The following CHD3 variants were observed in gnomAD, a reference collection of about 807,000 sequenced individuals.
The protein encoded by CHD3 is chromodomain helicase DNA binding protein 3, also known as ATP-dependent chromatin remodeler CHD3.
A neutral mutation model predicts 248.9 loss-of-function variants in CHD3; 52 were observed. That is an observed-to-expected ratio of 0.21 (90% CI 0.17 to 0.26). The LOEUF is 0.26. CHD3 is among the 10% of genes least tolerant of loss of function. The pLI is 1.00. For synonymous variants in CHD3, 985 were observed against 985.2 expected (o/e 1.00, Z 0.00); for missense variants, 1,482 against 2,605.8 (o/e 0.57, Z 9.39).
At position 7,906,513 on chromosome 17, in the gene CHD3, G is replaced by A; in HGVS notation, c.4359-40G>A. The A allele has an allele frequency of 6.2e-7, 1 of 1,611,020 alleles. No homozygotes were observed. The highest frequency in any genetic ancestry group is 8.5e-7 in the Non-Finnish European group (1 of 1,178,746). On this transcript the variant is annotated intron_variant, in intron 28 of 39. Transcript: ENST00000330494. The surrounding 1 kb of genome is among the most constrained non-coding windows in gnomAD (Gnocchi z 5.0). ...TCCCTCACTGCCCTATACCCCTTCT[G>A]TGGCTCCCCTAACCCTCCTCCCACT... is the stretch of plus-strand genomic sequence containing the variant.
chr17:7,898,503 A>G lies in CHD3; in HGVS notation c.2059A>G (p.Ile687Val), dbSNP rs1412548344. ...GACCCACTCTTTTTCCAGAGAACTAATTATGGGGGAAGACCCTGCCCAGCC... is the reference window on the plus strand; with the variant it reads ...GACCCACTCTTTTTCCAGAGAACTAGTTATGGGGGAAGACCCTGCCCAGCC... ...KQSYWRHREL[I>V]MGEDPAQPRK... The change falls in exon 13 of 40, where the codon ATT becomes GTT. Residue 687 changes from isoleucine (I) to valine (V), a missense_variant. Physicochemically the swap from Ile to Val is conservative, Grantham distance 29. Around this residue, in one of 20 missense-constraint regions of CHD3, gnomAD observed 127 missense variants for 188.3 expected, o/e 0.67. Coordinates refer to ENST00000330494, the MANE Select transcript of CHD3 (RefSeq NM_001005273.3). 6.2e-7 allele frequency: 1 copy of G among 1,613,612 alleles called. No individual in the cohort carries two copies. The highest frequency in any genetic ancestry group is 8.5e-7 in the Non-Finnish European group (1 of 1,179,646).
chr17:7,908,101 C>G lies in CHD3; in HGVS notation c.5152+82C>G. The G allele has an allele frequency of 6.8e-7, 1 of 1,470,042 alleles. No homozygotes were observed. Among genetic ancestry groups the G allele is most frequent in the Non-Finnish European group, 9.2e-7 (1 of 1,089,908 alleles). The allele number at this position is 1,470,042 out of a possible 1,614,324, so 91.1% of individuals were successfully genotyped here. A position where few individuals can be genotyped will look rare whatever the true frequency, so the allele number is the denominator to read the frequency against. ...GGTTTCTCGTTTTGCCTGAGGCTTC[C>G]TGCTACCTTTAATTCCAAGTAACTT... On this transcript the variant is annotated intron_variant, in intron 34 of 39. Transcript: ENST00000330494. The surrounding 1 kb of genome is among the most constrained non-coding windows in gnomAD (Gnocchi z 5.8).
chr17:7,885,231 T>C, upstream of CHD3: 1 of 742,234 alleles, frequency 1.3e-6, no homozygotes, highest in Non-Finnish European at 1.6e-6. Context: ...CCCGCGGCGG[T>C]CCGGGAGGTC....
At position 7,910,120 on chromosome 17, in the gene CHD3, C is replaced by G; in HGVS notation, c.5591-308C>G. On this transcript the variant is annotated intron_variant, in intron 37 of 39. Transcript: ENST00000330494. The surrounding 1 kb of genome is among the most constrained non-coding windows in gnomAD (Gnocchi z 4.7). ...TTCTGACAACTCCCCGCCCCCATGT[C>G]TTCCAATGTCCCCCCATCTTCCTTT... The G allele has an allele frequency of 3.0e-6, 1 of 335,456 alleles. No individual in the cohort carries two copies. The highest frequency in any genetic ancestry group is 5.6e-6 in the Non-Finnish European group (1 of 177,598). 20.8% of individuals were successfully genotyped at this position (335,456 alleles called of 1,614,324 possible).
rs970700304 is a variant in CHD3, at chr17:7,897,646, C to T, written c.1920-325C>T. Among the ~76,000 whole-genome samples the T allele has an allele frequency of 1.3e-4, 20 of 152,266 alleles. No individual in the cohort carries two copies. The highest frequency in any genetic ancestry group is 4.8e-4 in the African/African-American group (20 of 41,554). Reference sequence around the variant, plus strand: ...TTCATAGTACTTATTACTGCCTAAACTTAATGGTATGTATTTAGTTATTTC... The same window carrying T: ...TTCATAGTACTTATTACTGCCTAAATTTAATGGTATGTATTTAGTTATTTC... On this transcript the variant is annotated intron_variant, in intron 11 of 39. Transcript: ENST00000330494. The surrounding 1 kb of genome is among the most constrained non-coding windows in gnomAD (Gnocchi z 4.8).
chr17:7,884,910 A>AGGT, upstream of CHD3: 2 of 1,289,326 alleles, frequency 1.6e-6, no homozygotes, highest in Non-Finnish European at 1.0e-6. Context: ...GAGGAGGAGG[A>AGGT]GGTGGAGGCG....
At position 7,905,207 on chromosome 17, in the gene CHD3, T is replaced by G; in HGVS notation, c.4138+42T>G. On this transcript the variant is annotated intron_variant, in intron 26 of 39. Transcript: ENST00000330494. The surrounding 1 kb of genome is among the most constrained non-coding windows in gnomAD (Gnocchi z 5.8). Reference sequence around the variant, plus strand: ...TGACTCTACCTCACCTCTTCCCGTTTTATTTTCCAGTTTGCTTTAAGCCCA... The same window carrying G: ...TGACTCTACCTCACCTCTTCCCGTTGTATTTTCCAGTTTGCTTTAAGCCCA... The G allele has an allele frequency of 6.3e-7, 1 of 1,588,584 alleles. No homozygotes were observed. The highest frequency in any genetic ancestry group is 8.6e-7 in the Non-Finnish European group (1 of 1,156,706).
chr17:7,906,626 G>A lies in CHD3; in HGVS notation c.4432G>A (p.Val1478Ile), dbSNP rs1179323033. The change falls in exon 29 of 40, where the codon GTC (valine) becomes ATC (isoleucine). Residue 1478 changes from valine (V) to isoleucine (I), a missense_variant. Around this residue, in one of 20 missense-constraint regions of CHD3, gnomAD observed 156 missense variants for 420.3 expected, o/e 0.37. Transcript: ENST00000330494. The surrounding 1 kb of genome is among the most constrained non-coding windows in gnomAD (Gnocchi z 5.0). ...CGGCTCTGAAACCTTTGCCGATGGG[G>A]TCCCTCGGGAGGGACTGAGTCGCCA... ...ADGSETFADGVPREGLSRQQV... is the reference protein window; with the variant it reads ...ADGSETFADGIPREGLSRQQV... 1 of 1,613,810 alleles carries A rather than the reference G, an allele frequency of 6.2e-7. No individual in the cohort carries two copies.
rs1405430127 is a variant in CHD3 at position 7,889,398 on chromosome 17, G to C, written c.101-266G>C. 6.6e-6 allele frequency among the ~76,000 whole-genome samples: 1 copy of C among 152,232 alleles called. No homozygotes were observed. Among genetic ancestry groups the C allele is most frequent in the Non-Finnish European group, 1.5e-5 (1 of 68,026 alleles). Reference sequence around the variant, plus strand: ...TGCCACAGTCAGAGCCCATGGCCTGGAGCCTGGTCTCTTGTTAGTAGGAGG... The same window carrying C: ...TGCCACAGTCAGAGCCCATGGCCTGCAGCCTGGTCTCTTGTTAGTAGGAGG... On this transcript the variant is annotated intron_variant, in intron 1 of 39. Coordinates refer to ENST00000330494, the MANE Select transcript of CHD3 (RefSeq NM_001005273.3). This position sits in a 1 kb window ranked among gnomAD's most constrained non-coding sequence, Gnocchi z 4.5.
Position 7,907,286 on chromosome 17 carries a change from G to C in CHD3, c.4788+39G>C. 1.9e-6 allele frequency: 3 copies of C among 1,613,928 alleles called. No individual in the cohort carries two copies. Among genetic ancestry groups the C allele is most frequent in the Non-Finnish European group, 2.5e-6 (3 of 1,179,868 alleles). ...TGGATTCCCCTGTGGAGCGGGAGGG[G>C]AGGGGGCTTGGAGGCCAGGTACCTG... On this transcript the variant is annotated intron_variant, in intron 31 of 39. Transcript: ENST00000330494. The surrounding 1 kb of genome is among the most constrained non-coding windows in gnomAD (Gnocchi z 4.3).
intron 4 of CHD3, 148 bp from the exon 5 acceptor site, chr17:7,893,138 A>AC (rs1328402286): frequency 1.6e-6 from 2 of 1,228,584 alleles, no homozygotes. Context: ...CTTTTTATTT[A>AC]TTTTTTTAAA....
chr17:7,902,509 G>C, intron 20 of CHD3, 101 bp from the exon 21 acceptor site: 1 of 693,300 alleles, frequency 1.4e-6, no homozygotes, highest in South Asian at 1.9e-5. Context: ...CAGGGGTTCA[G>C]GTGTAAAGAT....
chr17:7,905,778 G>A lies in CHD3; in HGVS notation c.4224+72G>A. 1 of 1,613,440 alleles carries A rather than the reference G, an allele frequency of 6.2e-7. No individual in the cohort carries two copies. The highest frequency in any genetic ancestry group is 1.3e-5 in the African/African-American group (1 of 74,998). ...GGCAGGAGGTTGGAAGTTGGTGCCTGGATCACTGAAGGTAGAAAGGACAAG... is the reference window on the plus strand; with the variant it reads ...GGCAGGAGGTTGGAAGTTGGTGCCTAGATCACTGAAGGTAGAAAGGACAAG... On this transcript the variant is annotated intron_variant, in intron 27 of 39. Coordinates refer to ENST00000330494, the MANE Select transcript of CHD3 (RefSeq NM_001005273.3). This position sits in a 1 kb window ranked among gnomAD's most constrained non-coding sequence, Gnocchi z 5.8.
In CHD3 at chr17:7,892,435, T is replaced by C. The variant is rs374162321; in HGVS notation, c.510-851T>C. On this transcript the variant is annotated intron_variant, in intron 4 of 39. Coordinates refer to ENST00000330494, the MANE Select transcript of CHD3 (RefSeq NM_001005273.3). ...AGTAGTATACAAAAGTAAAGCATTT[T>C]TGTTGATTTTATTTTAACCTTTTAT... Among the ~76,000 whole-genome samples, 7 of 152,342 alleles carry C rather than the reference T, an allele frequency of 4.6e-5. No individual in the cohort carries two copies. In the South Asian group the frequency reaches 1.4e-3, roughly 32 times the overall value.
chr17:7,893,922 A>C lies in CHD3; in HGVS notation c.911A>C (p.Lys304Thr). ...CTAGGGCTTCTGGGTGGCAAGAGGA[A>C]GAAAGGAGGCTCGGTGAGTGACCCG... ...IKLGLLGGKR[K>T]KGGSYVFQSD... Residue 304 changes from lysine to threonine, a missense_variant, in exon 6 of 40, where the codon AAG becomes ACG. Lys to Thr is a moderately conservative substitution (Grantham distance 78, BLOSUM62 -1). Coordinates refer to ENST00000330494, the MANE Select transcript of CHD3 (RefSeq NM_001005273.3). The C allele has an allele frequency of 6.5e-7, 1 of 1,549,586 alleles. No individual in the cohort carries two copies. The highest frequency in any genetic ancestry group is 8.7e-7 in the Non-Finnish European group (1 of 1,143,628).
Position 7,900,214 on chromosome 17 carries a change from G to T in CHD3, c.2683-76G>T. On this transcript the variant is annotated intron_variant, in intron 16 of 39. Transcript: ENST00000330494. The surrounding 1 kb of genome is among the most constrained non-coding windows in gnomAD (Gnocchi z 6.5). ...TGAGTGAAATGGGAGCTGGGGCAGG[G>T]AAAGGCTGATGCTGTGGGTCGGTCA... 1 of 1,596,080 alleles carries T rather than the reference G, an allele frequency of 6.3e-7. No homozygotes were observed. The highest frequency in any genetic ancestry group is 8.6e-7 in the Non-Finnish European group (1 of 1,168,558).
In CHD3 at chr17:7,903,773, G is replaced by A; in HGVS notation, c.3728-52G>A. 6.3e-7 allele frequency: 1 copy of A among 1,591,540 alleles called. No individual in the cohort carries two copies. On this transcript the variant is annotated intron_variant, in intron 23 of 39. Transcript: ENST00000330494. This position sits in a 1 kb window ranked among gnomAD's most constrained non-coding sequence, Gnocchi z 6.8. The stretch of plus-strand genomic sequence containing the variant: ...ACGCAGAGTAGAAGCTTTCCCATCA[G>A]CCTTTCTAAACTTTGGAACCCAAAG...
rs1369702858 is a variant in CHD3 at position 7,906,141 on chromosome 17, G to A, written c.4358+152G>A. 3.2e-6 allele frequency: 4 copies of A among 1,248,302 alleles called. No homozygotes were observed. The East Asian group carries it at 9.3e-5, about 29-fold the overall frequency. The allele number at this position is 1,248,302 out of a possible 1,614,324, so 77.3% of individuals were successfully genotyped here. On this transcript the variant is annotated intron_variant, in intron 28 of 39. Transcript: ENST00000330494. The surrounding 1 kb of genome is among the most constrained non-coding windows in gnomAD (Gnocchi z 5.0). ...ACTTCCTGGCTCGATTTCCTGGGGG[G>A]TGGTCTCAGCCCACTCCACCTCCCC...
At position 7,903,682 on chromosome 17, in the gene CHD3, CAA is replaced by C. The variant is rs944496931; in HGVS notation, c.3728-140_3728-139del. The C allele has an allele frequency of 7.2e-6, 8 of 1,112,442 alleles. No individual in the cohort carries two copies. The highest frequency in any genetic ancestry group is 2.8e-5 in the Admixed American group (1 of 36,074). 68.9% of individuals were successfully genotyped at this position (1,112,442 alleles called of 1,614,324 possible). A position where few individuals can be genotyped will look rare whatever the true frequency, so the allele number is the denominator to read the frequency against. ...TCTTTGCCTGTAGGGTTAAAACAAA[CAA>C]AACAAAAACCTTTCAACATTGGCTC... On this transcript the variant is annotated intron_variant, in intron 23 of 39. Coordinates refer to ENST00000330494, the MANE Select transcript of CHD3 (RefSeq NM_001005273.3). The surrounding 1 kb of genome is among the most constrained non-coding windows in gnomAD (Gnocchi z 6.8).
Sources: allele counts gnomAD v4.1 joint callset (sites outside exome capture counted in the v4.1 genomes callset), GRCh38; gene constraint gnomAD v4.1.1; regional missense constraint gnomAD v4.1.1; non-coding constraint Gnocchi (gnomAD v3.1); transcripts MANE v1.5; gene names NCBI Gene and HGNC (gene_info 2026-07-23, HGNC 2026-07-21).